EPB41L4B: variants seen among roughly 807,000 people sequenced by gnomAD.
EPB41L4B encodes the protein erythrocyte membrane protein band 4.1 like 4B, also known as band 4.1-like protein 4B.
A neutral mutation model predicts 112.5 loss-of-function variants in EPB41L4B; 30 were observed. That is an observed-to-expected ratio of 0.27 (90% CI 0.20 to 0.36). EPB41L4B has a LOEUF of 0.36. Among genes scored for constraint, EPB41L4B ranks in the 10% least tolerant of loss-of-function variants. The probability of loss-of-function intolerance (pLI) is 1.00; values close to 1 mark genes in which losing one functional copy is unlikely to be tolerated. For synonymous variants in EPB41L4B, 408 were observed against 439.7 expected (o/e 0.93, Z 0.90); for missense variants, 1,024 against 1,133.3 (o/e 0.90, Z 1.38).
chr9:109,287,483 C>T (rs558543725), intron 1 of EPB41L4B, among the ~76,000 whole-genome samples: 12 of 152,288 alleles, frequency 7.9e-5, no homozygotes, highest in African/African-American at 2.9e-4. Context: ...AGGAAATAAG[C>T]TGTATGTGAG....
chr9:109,225,478 G>T (rs767518072), intron 15 of EPB41L4B, among the ~76,000 whole-genome samples: 4 of 152,218 alleles, frequency 2.6e-5, no homozygotes, highest in Non-Finnish European at 4.4e-5. Flanking sequence ...GTAGACAAGA[G>T]AGAATGAGAG....
At chr9:109,226,525 C>G (rs1013461425) in intron 15 of EPB41L4B, among the ~76,000 whole-genome samples, 2 of 150,996 alleles carry the variant, frequency 1.3e-5, no homozygotes, top group African/African-American at 4.9e-5. Flanking sequence ...ATTAAATTCC[C>G]TCTGTAAGAA....
intron 16 of EPB41L4B, among the ~76,000 whole-genome samples, chr9:109,214,276 T>C (rs1318631777): frequency 1.3e-5 from 2 of 152,248 alleles, no homozygotes; most frequent in Non-Finnish European, 2.9e-5. Context: ...ATTTCTGTGC[T>C]ACTTTGGATT....
chr9:109,175,462 T>C (rs1466854563), intron 25 of EPB41L4B, among the ~76,000 whole-genome samples: 3 of 119,856 alleles, frequency 2.5e-5, no homozygotes, highest in Non-Finnish European at 5.6e-5. Context: ...CTGTCTCCAC[T>C]GTTTAAACAC....
At position 109,313,951 on chromosome 9, in the gene EPB41L4B, T is replaced by C. The variant is rs147473186; in HGVS notation, c.306+6190A>G. 1.3e-3 allele frequency among the ~76,000 whole-genome samples: 193 copies of C among 152,322 alleles called. 1 individual carries two copies. The highest frequency in any genetic ancestry group is 4.5e-3 in the African/African-American group (185 of 41,562). On this transcript the variant is annotated intron_variant, in intron 1 of 25. Coordinates refer to ENST00000374566, the MANE Select transcript of EPB41L4B (RefSeq NM_019114.5). ...ATTTTAACAGTGTTTAATGAAACTG[T>C]AGATGTTGTTCCAACCTTTGTGTAT... is the stretch of plus-strand genomic sequence containing the variant.
At chr9:109,185,738 C>G in intron 22 of EPB41L4B, 133 bp from the exon 23 acceptor site, 1 of 618,478 alleles carries the variant, frequency 1.6e-6, no homozygotes, top group Non-Finnish European at 2.6e-6. Context: ...AGACTGTTCT[C>G]AAGCCAGCCT....
intron 2 of EPB41L4B, among the ~76,000 whole-genome samples, chr9:109,279,018 G>A (rs141129181): frequency 6.6e-6 from 1 of 152,174 alleles, no homozygotes; most frequent in East Asian, 1.9e-4. Context: ...GATGGTTCTC[G>A]GCAACAGCAA....
chr9:109,238,785 G>A (rs927361037), intron 15 of EPB41L4B, among the ~76,000 whole-genome samples: 1 of 152,208 alleles, frequency 6.6e-6, no homozygotes, highest in African/African-American at 2.4e-5. Context: ...GCAGGAGTTA[G>A]GGGAAGGGAT....
At chr9:109,197,572 T>C (rs1294009454) in intron 20 of EPB41L4B, among the ~76,000 whole-genome samples, 1 of 152,144 alleles carries the variant, frequency 6.6e-6, no homozygotes, top group Non-Finnish European at 1.5e-5. Context: ...AATGCTGCTA[T>C]TGTTTGATTT....
chr9:109,284,099 A>G (rs973628200), intron 1 of EPB41L4B, among the ~76,000 whole-genome samples: 3 of 152,150 alleles, frequency 2.0e-5, no homozygotes, highest in African/African-American at 7.2e-5. Context: ...AAAGAAAAGA[A>G]AAAACGCACT....
At chr9:109,258,053 G>C (rs1835050516) in intron 7 of EPB41L4B, 124 bp downstream of exon 7, 5 of 1,026,676 alleles carry the variant, frequency 4.9e-6, no homozygotes, top group South Asian at 3.2e-5. Flanking sequence ...AAGGAGAGAA[G>C]AGTTGGCGCT....
chr9:109,214,221 C>T (rs1833284469), intron 16 of EPB41L4B, among the ~76,000 whole-genome samples: 1 of 152,178 alleles, frequency 6.6e-6, no homozygotes, highest in African/African-American at 2.4e-5. Context: ...ATAACGTGCC[C>T]TTAAAAGCCA....
chr9:109,174,738 T>C, intron 25 of EPB41L4B, 115 bp from the exon 26 acceptor site: 1 of 793,280 alleles, frequency 1.3e-6, no homozygotes. Flanking sequence ...ACTTTCTTTT[T>C]TAGACTCCTT....
intron 2 of EPB41L4B, among the ~76,000 whole-genome samples, chr9:109,269,172 G>A (rs575195157): frequency 3.9e-5 from 6 of 152,090 alleles, no homozygotes; most frequent in South Asian, 2.1e-4. Flanking sequence ...TGAGGTTGTC[G>A]TCCTAAACTC....
chr9:109,251,638 A>T, intron 12 of EPB41L4B, 127 bp from the exon 13 acceptor site: 1 of 834,026 alleles, frequency 1.2e-6, no homozygotes, highest in Non-Finnish European at 2.1e-6. Context: ...CCCAGGCAGA[A>T]CTGCATGGTG....
intron 1 of EPB41L4B, among the ~76,000 whole-genome samples, chr9:109,317,063 C>T (rs1206465447): frequency 1.3e-5 from 2 of 152,138 alleles, no homozygotes; most frequent in African/African-American, 4.8e-5. Context: ...TGTGGTCGTA[C>T]TACTGCACTC....
At chr9:109,247,720 C>A in intron 14 of EPB41L4B, 36 bp downstream of exon 14, 2 of 1,325,318 alleles carry the variant, frequency 1.5e-6, no homozygotes, top group Admixed American at 3.2e-5. Flanking sequence ...TAAAATTTTC[C>A]TTCTTTAAAG....
intron 15 of EPB41L4B, among the ~76,000 whole-genome samples, chr9:109,228,987 ATGATG>A (rs1401825090): frequency 2.0e-5 from 3 of 152,358 alleles, no homozygotes; most frequent in African/African-American, 7.2e-5. Flanking sequence ...TAAAACATAT[ATGATG>A]TGATTATTTC....
At chr9:109,310,818 C>T (rs945951439) in intron 1 of EPB41L4B, among the ~76,000 whole-genome samples, 5 of 152,174 alleles carry the variant, frequency 3.3e-5, no homozygotes, top group East Asian at 1.9e-4. Flanking sequence ...ATAAACTGTA[C>T]GTGGTATACT....
Sources: gnomAD v4.1 joint callset for allele counts (sites outside exome capture counted in the v4.1 genomes callset) on GRCh38, gnomAD v4.1.1 for gene constraint, MANE v1.5 for transcripts, NCBI Gene and HGNC (gene_info 2026-07-23, HGNC 2026-07-21) for gene names.